HIP1: variants seen among roughly 807,000 people sequenced by gnomAD.
HIP1 encodes huntingtin-interacting protein 1.
HIP1 carries 65 observed loss-of-function variants against 147.6 expected under a neutral mutation model. That is an observed-to-expected ratio of 0.44 (90% CI 0.36 to 0.54). HIP1 has a LOEUF of 0.54. HIP1 is among the 20% of genes least tolerant of loss of function. HIP1 has a pLI of 0.00. For synonymous variants in HIP1, 479 were observed against 504.0 expected, an observed-to-expected ratio of 0.95 and a Z score of 0.67; for missense variants, 1,061 against 1,299.6, an observed-to-expected ratio of 0.82 and a Z score of 2.82.
At chr7:75,656,178 T>C (rs1799134147) in intron 1 of HIP1, among the ~76,000 whole-genome samples, 1 of 151,984 alleles carries the variant, frequency 6.6e-6, no homozygotes, top group Admixed American at 6.6e-5. Flanking sequence ...ATATGTATTT[T>C]ACCCCATTTT....
chr7:75,592,195 G>A (rs1584848232), intron 3 of HIP1, 83 bp from the exon 4 acceptor site: 1 of 1,443,850 alleles, frequency 6.9e-7, no homozygotes, highest in African/African-American at 1.4e-5. Flanking sequence ...AGGCGGAGGT[G>A]AACCTAGGGC....
chr7:75,648,392 G>A (rs1486787899), intron 1 of HIP1, among the ~76,000 whole-genome samples: 2 of 152,108 alleles, frequency 1.3e-5, no homozygotes, highest in African/African-American at 4.8e-5. Context: ...CAGGGTCATG[G>A]AGGAGCATCA....
intron 1 of HIP1, among the ~76,000 whole-genome samples, chr7:75,709,584 C>T (rs1801106024): frequency 6.6e-6 from 1 of 152,102 alleles, no homozygotes; most frequent in Admixed American, 6.6e-5. Flanking sequence ...TTGGTGGTAT[C>T]CTTAGGATCA....
chr7:75,708,393 C>A (rs530022126), intron 1 of HIP1, among the ~76,000 whole-genome samples: 1 of 152,024 alleles, frequency 6.6e-6, no homozygotes, highest in Non-Finnish European at 1.5e-5. Flanking sequence ...GTTGCCTGTG[C>A]CTTTTGGTGT....
chr7:75,681,517 T>G (rs1200638562), intron 1 of HIP1, among the ~76,000 whole-genome samples: 9 of 130,146 alleles, frequency 6.9e-5, no homozygotes, highest in African/African-American at 1.9e-4. Context: ...TTTTTTTTTT[T>G]TTTTTTTGAG....
intron 9 of HIP1, among the ~76,000 whole-genome samples, chr7:75,565,772 C>T (rs1011952465): frequency 6.6e-6 from 1 of 151,316 alleles, no homozygotes; most frequent in Non-Finnish European, 1.5e-5. Flanking sequence ...TGCTCTGTTG[C>T]CCAAGCTGTA....
intron 8 of HIP1, among the ~76,000 whole-genome samples, chr7:75,571,686 G>A (rs1437168686): frequency 2.6e-5 from 4 of 152,246 alleles, no homozygotes; most frequent in East Asian, 3.9e-4. Flanking sequence ...GGGCTCAAGC[G>A]ATCCTCTCGC....
intron 1 of HIP1, among the ~76,000 whole-genome samples, chr7:75,727,406 T>G (rs1554522470): frequency 6.6e-6 from 1 of 151,822 alleles, no homozygotes; most frequent in East Asian, 1.9e-4. Flanking sequence ...TTTTCTTTCT[T>G]TCTTTTTTTT....
At chr7:75,582,931 C>T (rs1554498873) in intron 5 of HIP1, among the ~76,000 whole-genome samples, 4 of 152,208 alleles carry the variant, frequency 2.6e-5, no homozygotes, top group Admixed American at 6.5e-5. Flanking sequence ...AAGTCATACA[C>T]GCTGAGATTA....
At chr7:75,693,976 G>A (rs901629039) in intron 1 of HIP1, among the ~76,000 whole-genome samples, 4 of 134,966 alleles carry the variant, frequency 3.0e-5, no homozygotes, top group African/African-American at 8.5e-5. Flanking sequence ...CTGGAGTGCA[G>A]TGGTGCAATC....
intron 1 of HIP1, among the ~76,000 whole-genome samples, chr7:75,672,556 G>T (rs1394491109): frequency 2.0e-5 from 3 of 152,110 alleles, no homozygotes; most frequent in Non-Finnish European, 2.9e-5. Flanking sequence ...TCAAACTCCG[G>T]AGCTCCAGTG....
intron 1 of HIP1, among the ~76,000 whole-genome samples, chr7:75,728,442 C>T (rs1338587766): frequency 6.6e-6 from 1 of 152,228 alleles, no homozygotes; most frequent in Non-Finnish European, 1.5e-5. Context: ...TCCAGGTCAT[C>T]AACCCTCCTT....
Position 75,547,747 on chromosome 7 carries a change from A to G in HIP1, c.2465+8T>C. The G allele has an allele frequency of 6.2e-7, 1 of 1,612,412 alleles. No homozygotes were observed. On this transcript the variant is annotated splice_region_variant and intron_variant, in intron 24 of 30. Transcript: ENST00000336926. The stretch of plus-strand genomic sequence containing the variant: ...TCCCCTAGGTCCCACCATGCCGCTC[A>G]GACCGACCTTTCATTCACCTCCAAT...
intron 2 of HIP1, among the ~76,000 whole-genome samples, chr7:75,598,742 A>G (rs1796855957): frequency 6.6e-6 from 1 of 151,992 alleles, no homozygotes; most frequent in Non-Finnish European, 1.5e-5. Flanking sequence ...TAAAAATCAT[A>G]AAATAAATTA....
intron 1 of HIP1, among the ~76,000 whole-genome samples, chr7:75,699,453 T>C (rs1167722952): frequency 3.3e-5 from 5 of 152,218 alleles, no homozygotes; most frequent in African/African-American, 1.2e-4. Flanking sequence ...GGTTCTAGGC[T>C]GGTTCCATCA....
At chr7:75,691,108 C>A (rs548299950) in intron 1 of HIP1, among the ~76,000 whole-genome samples, 1 of 152,292 alleles carries the variant, frequency 6.6e-6, no homozygotes, top group East Asian at 1.9e-4. Flanking sequence ...CTGATACATG[C>A]TCCAGTGTGG....
rs56106169 is a variant in HIP1, at chr7:75,609,903, CTTTTT to C, written c.121-10661_121-10657del. The stretch of plus-strand genomic sequence containing the variant: ...TTCCTTCTTTCTTTTCTCTTCTTTT[CTTTTT>C]TTTTTTTTTTTTGAGACAAAGTCTT... On this transcript the variant is annotated intron_variant, in intron 1 of 30. Transcript: ENST00000336926. Among the ~76,000 whole-genome samples, 532 of 130,996 alleles carry C rather than the reference CTTTTT, an allele frequency of 4.1e-3. 5 individuals carry two copies. The highest frequency in any genetic ancestry group is 0.014 in the African/African-American group (511 of 35,456). The allele number at this position is 130,996 out of a possible 152,430, so 85.9% of individuals were successfully genotyped here.
In HIP1 at chr7:75,662,340, C is replaced by T. The variant is rs376936848; in HGVS notation, c.121-63093G>A. 2.4e-4 allele frequency among the ~76,000 whole-genome samples: 37 copies of T among 151,942 alleles called. 1 individual carries two copies. Among genetic ancestry groups the T allele is most frequent in the Admixed American group, 9.2e-4 (14 of 15,208 alleles). On this transcript the variant is annotated intron_variant, in intron 1 of 30. Transcript: ENST00000336926. Reference sequence around the variant, plus strand: ...CTGGGAGTACAGACCTGCACCACCACGCCCAGCTATTTTATTTGGTAAAGA... The same window carrying T: ...CTGGGAGTACAGACCTGCACCACCATGCCCAGCTATTTTATTTGGTAAAGA...
intron 1 of HIP1, among the ~76,000 whole-genome samples, chr7:75,664,535 T>TATATGTATGTGTATGTATACGTATAC (rs1554514404): frequency 2.0e-5 from 3 of 150,658 alleles, no homozygotes; most frequent in East Asian, 2.0e-4. Flanking sequence ...TACATACATA[T>TATATGTATGTGTATGTATACGTATAC]ATACACATAC....
Sources: allele counts gnomAD v4.1 joint callset (sites outside exome capture counted in the v4.1 genomes callset), GRCh38; gene constraint gnomAD v4.1.1; transcripts MANE v1.5; gene names NCBI Gene and HGNC (gene_info 2026-07-23, HGNC 2026-07-21).